VPS13D: variants seen among roughly 807,000 people sequenced by gnomAD.
VPS13D encodes the protein intermembrane lipid transfer protein VPS13D.
A neutral mutation model predicts 461.9 loss-of-function variants in VPS13D; 187 were observed. The observed-to-expected ratio is 0.40, with a 90% CI of 0.36 to 0.46. VPS13D has a LOEUF of 0.46. Among genes scored for constraint, VPS13D ranks in the 20% least tolerant of loss-of-function variants. The pLI is 0.60. For synonymous variants in VPS13D, 1,951 were observed against 1,986.3 expected (o/e 0.98, Z 0.47); for missense variants, 4,711 against 5,364.9 (o/e 0.88, Z 3.81).
At chr1:12,369,112 G>A (rs977080309) in intron 53 of VPS13D, among the ~76,000 whole-genome samples, 43 of 152,138 alleles carry the variant, frequency 2.8e-4, no homozygotes, top group African/African-American at 1.0e-3. Flanking sequence ...ATCATAGGGG[G>A]TTTGGGCTAG....
chr1:12,403,203 C>T (rs544908978), intron 62 of VPS13D, among the ~76,000 whole-genome samples: 2 of 152,228 alleles, frequency 1.3e-5, no homozygotes. Flanking sequence ...GTGCAAAGAG[C>T]ACATTGCTGT....
chr1:12,308,088 G>T (rs963471432), intron 26 of VPS13D, among the ~76,000 whole-genome samples: 1 of 152,150 alleles, frequency 6.6e-6, no homozygotes, highest in Non-Finnish European at 1.5e-5. Flanking sequence ...ATTGTGCGTG[G>T]GGAGGGATTG....
At chr1:12,333,010 G>A (rs1467602194) in intron 37 of VPS13D, among the ~76,000 whole-genome samples, 2 of 152,140 alleles carry the variant, frequency 1.3e-5, no homozygotes, top group African/African-American at 2.4e-5. Flanking sequence ...CATCGTGGGG[G>A]TACATATATG....
intron 37 of VPS13D, 137 bp from the exon 38 acceptor site, chr1:12,333,089 G>T: frequency 9.6e-7 from 1 of 1,040,582 alleles, no homozygotes; most frequent in Non-Finnish European, 1.4e-6. Flanking sequence ...GGTGGTTGGT[G>T]CTTTTGTTGT....
intron 32 of VPS13D, 116 bp downstream of exon 32, chr1:12,319,746 AC>A: frequency 6.9e-7 from 1 of 1,448,850 alleles, no homozygotes; most frequent in South Asian, 1.3e-5. Context: ...AAATTGGAAG[AC>A]CCTTGCCCTC....
At chr1:12,271,981 C>T (rs1208449127) in intron 17 of VPS13D, among the ~76,000 whole-genome samples, 1 of 151,746 alleles carries the variant, frequency 6.6e-6, no homozygotes, top group East Asian at 1.9e-4. Flanking sequence ...CGTTTGAGCT[C>T]AGGAGTTCGA....
chr1:12,354,416 C>T (rs1643868473), intron 47 of VPS13D, among the ~76,000 whole-genome samples, 195 bp downstream of exon 47: 1 of 152,128 alleles, frequency 6.6e-6, no homozygotes, highest in African/African-American at 2.4e-5. Flanking sequence ...TGCCTGTAGT[C>T]CCAGCTTCTC....
chr1:12,502,450 C>G lies in VPS13D; in HGVS notation c.12795-4403C>G, dbSNP rs1043878388. 6.6e-6 allele frequency among the ~76,000 whole-genome samples: 1 copy of G among 151,918 alleles called. No homozygotes were observed. Among genetic ancestry groups the G allele is most frequent in the Non-Finnish European group, 1.5e-5 (1 of 67,964 alleles). On this transcript the variant is annotated intron_variant, in intron 68 of 69. Coordinates refer to ENST00000620676, the MANE Select transcript of VPS13D (RefSeq NM_015378.4). The surrounding 1 kb of genome is among the most constrained non-coding windows in gnomAD (Gnocchi z 4.3). ...AAGGAGCATCTCCCCAGTGGACGAGCTGAGGTCCCCTGAAGAGGGCCTGGC... is the reference window on the plus strand; with the variant it reads ...AAGGAGCATCTCCCCAGTGGACGAGGTGAGGTCCCCTGAAGAGGGCCTGGC...
At chr1:12,325,629 T>G (rs1643162076) in intron 35 of VPS13D, among the ~76,000 whole-genome samples, 1 of 152,212 alleles carries the variant, frequency 6.6e-6, no homozygotes, top group Non-Finnish European at 1.5e-5. Context: ...ATTTTTAATG[T>G]ACTGGTAGAT....
intron 60 of VPS13D, among the ~76,000 whole-genome samples, chr1:12,396,029 A>ATATATATATATAT (rs1553187933): frequency 2.5e-5 from 3 of 119,870 alleles, no homozygotes; most frequent in East Asian, 2.3e-4. Context: ...ATATATATAT[A>ATATATATATATAT]GTTCTTTAAG....
At chr1:12,492,940 A>G (rs1645902679) in intron 67 of VPS13D, among the ~76,000 whole-genome samples, 1 of 152,242 alleles carries the variant, frequency 6.6e-6, no homozygotes. Context: ...GAAATGTGGT[A>G]AGGCTACATA....
At chr1:12,426,909 G>A (rs1268950313) in intron 65 of VPS13D, among the ~76,000 whole-genome samples, 1 of 152,132 alleles carries the variant, frequency 6.6e-6, no homozygotes, top group African/African-American at 2.4e-5. Context: ...AGCTACTCGG[G>A]AGGCTGAGGC....
intron 50 of VPS13D, 126 bp downstream of exon 50, chr1:12,358,727 C>T: frequency 8.2e-7 from 1 of 1,219,596 alleles, no homozygotes; most frequent in South Asian, 1.5e-5. Flanking sequence ...GGCATTGGGT[C>T]AGGTATCTGT....
rs763716799 is a variant in VPS13D, at chr1:12,401,697, A to G, written c.11874A>G (p.Ala3958=). 6.2e-6 allele frequency: 10 copies of G among 1,612,932 alleles called. 1 individual carries two copies. In the Middle Eastern group the frequency reaches 1.5e-3, roughly 240 times the overall value. The part of the protein sequence containing the change: ...KLLSFFGYDQ[A]ESEVEKYDEN... ...TAAGTTTCTTTGGCTACGATCAAGC[A>G]GAATCAGGTAATGTTGAATGTTCTA... The change falls in exon 62 of 70, where the codon GCA becomes GCG. Residue 3958 remains alanine, a synonymous_variant. Transcript: ENST00000620676.
chr1:12,249,796 A>G (rs1640675981), intron 6 of VPS13D, among the ~76,000 whole-genome samples: 1 of 152,188 alleles, frequency 6.6e-6, no homozygotes, highest in Non-Finnish European at 1.5e-5. Flanking sequence ...CTACACAAAA[A>G]ACAACACTTT....
chr1:12,318,052 C>A lies in VPS13D; in HGVS notation c.7149-20C>A. ...ATGTTTCTTTTTTCCTATTTATTTT[C>A]TCCTGTCTTCTTTTTATAGATCTAC... On this transcript the variant is annotated intron_variant, in intron 30 of 69. Coordinates refer to ENST00000620676, the MANE Select transcript of VPS13D (RefSeq NM_015378.4). The A allele has an allele frequency of 6.3e-7, 1 of 1,585,500 alleles. No homozygotes were observed. The highest frequency in any genetic ancestry group is 1.1e-5 in the South Asian group (1 of 87,462).
intron 25 of VPS13D, 122 bp from the exon 26 acceptor site, chr1:12,304,384 T>TA: frequency 1.2e-6 from 1 of 830,634 alleles, no homozygotes; most frequent in Non-Finnish European, 1.9e-6. Flanking sequence ...ATAAGTATTA[T>TA]AGAGTCTTTG....
At chr1:12,273,156 A>G (rs1641504982) in intron 18 of VPS13D, 21 bp downstream of exon 18, 1 of 1,610,184 alleles carries the variant, frequency 6.2e-7, no homozygotes, top group Non-Finnish European at 8.5e-7. Context: ...AGTGGGAAAT[A>G]ATGAAAACCT....
At chr1:12,499,895 A>G in intron 68 of VPS13D, 1 of 985,406 alleles carries the variant, frequency 1.0e-6, no homozygotes, top group Non-Finnish European at 1.2e-6. Context: ...CGAGCGCCAA[A>G]TTATACCTCT....
Sources: gnomAD v4.1 joint callset for allele counts (sites outside exome capture counted in the v4.1 genomes callset) on GRCh38, gnomAD v4.1.1 for gene constraint, Gnocchi (gnomAD v3.1) non-coding constraint, MANE v1.5 for transcripts, NCBI Gene and HGNC (gene_info 2026-07-23, HGNC 2026-07-21) for gene names.